Variants in EYA1 observed in about 807,000 individuals in gnomAD.
The protein encoded by EYA1 is EYA transcriptional coactivator and phosphatase 1, also known as protein phosphatase EYA1.
EYA1 carries 16 observed loss-of-function variants against 82.0 expected under a neutral mutation model. The ratio of observed to expected loss-of-function variants is 0.20; its 90% CI spans 0.13 to 0.30. The LOEUF is 0.30. EYA1 is among the 10% of genes least tolerant of loss of function. The pLI, the probability that EYA1 is intolerant of heterozygous loss-of-function variation, is 1.00. For missense variants in EYA1, 633 were observed against 730.7 expected (o/e 0.87, Z 1.54); for synonymous variants, 261 against 264.4 (o/e 0.99, Z 0.12).
chr8:71,442,876 CT>C (rs1250176541), intron 2 of EYA1, among the ~76,000 whole-genome samples: 2 of 152,168 alleles, frequency 1.3e-5, no homozygotes. Context: ...CTCTGATATA[CT>C]TTTCTTTATG....
intron 2 of EYA1, among the ~76,000 whole-genome samples, chr8:71,520,998 A>T (rs1484118588): frequency 6.6e-6 from 1 of 152,134 alleles, no homozygotes; most frequent in African/African-American, 2.4e-5. Flanking sequence ...TAAAACAAAA[A>T]TGTTTATCAC....
At chr8:71,479,474 C>A (rs1375182359) in intron 2 of EYA1, among the ~76,000 whole-genome samples, 1 of 151,958 alleles carries the variant, frequency 6.6e-6, no homozygotes, top group African/African-American at 2.4e-5. Context: ...TTATTGCCCA[C>A]CCCCCAGGCT....
At chr8:71,512,537 A>G (rs1486552700) in intron 2 of EYA1, among the ~76,000 whole-genome samples, 1 of 152,052 alleles carries the variant, frequency 6.6e-6, no homozygotes, top group African/African-American at 2.4e-5. Context: ...CAATAAATAG[A>G]ATAAATATGA....
chr8:71,336,583 C>G (rs779043560), intron 3 of EYA1, among the ~76,000 whole-genome samples: 2 of 152,130 alleles, frequency 1.3e-5, no homozygotes, highest in African/African-American at 4.8e-5. Context: ...TTAGCTTAAT[C>G]GAATGTAGCC....
At chr8:71,286,572 T>C (rs982697936) in intron 9 of EYA1, among the ~76,000 whole-genome samples, 1 of 152,106 alleles carries the variant, frequency 6.6e-6, no homozygotes, top group African/African-American at 2.4e-5. Flanking sequence ...GGGAAACTCA[T>C]AGGCTTTACT....
At chr8:71,215,568 A>T in intron 15 of EYA1, 46 bp downstream of exon 15, 1 of 1,609,048 alleles carries the variant, frequency 6.2e-7, no homozygotes, top group Non-Finnish European at 8.5e-7. Flanking sequence ...ATGAACAAGC[A>T]CGAGCATTGC....
At chr8:71,388,942 A>G (rs911349014) in intron 2 of EYA1, among the ~76,000 whole-genome samples, 1 of 152,150 alleles carries the variant, frequency 6.6e-6, no homozygotes, top group South Asian at 2.1e-4. Context: ...GTTCCTACAC[A>G]CAAGTCCCTT....
chr8:71,247,089 C>T (rs991831983), intron 11 of EYA1, among the ~76,000 whole-genome samples: 1 of 151,824 alleles, frequency 6.6e-6, no homozygotes, highest in East Asian at 1.9e-4. Flanking sequence ...CCTCCCACAT[C>T]CCTCCAGCAC....
chr8:71,210,380 G>A (rs1327943717), intron 17 of EYA1, among the ~76,000 whole-genome samples: 1 of 152,220 alleles, frequency 6.6e-6, no homozygotes, highest in African/African-American at 2.4e-5. Flanking sequence ...GCATGGTCAA[G>A]GAAAGCTGAG....
At chr8:71,200,289 T>C (rs976649030) in intron 17 of EYA1, 1 of 152,244 alleles carries the variant, frequency 6.6e-6, no homozygotes, top group South Asian at 2.1e-4. Context: ...GCAATTATAG[T>C]TCTGAGAAAT....
At chr8:71,241,686 A>G (rs1812493912) in intron 12 of EYA1, among the ~76,000 whole-genome samples, 1 of 152,206 alleles carries the variant, frequency 6.6e-6, no homozygotes, top group Non-Finnish European at 1.5e-5. Context: ...TGTAACTTAA[A>G]TATATTAAAA....
intron 2 of EYA1, among the ~76,000 whole-genome samples, chr8:71,488,362 A>G (rs1003201054): frequency 2.0e-5 from 3 of 152,176 alleles, no homozygotes; most frequent in Non-Finnish European, 4.4e-5. Context: ...ATAAAGGATA[A>G]ATAAATTAGG....
At chr8:71,366,388 T>C (rs1306654723), upstream of EYA1, among the ~76,000 whole-genome samples, 2 of 152,232 alleles carry the variant, frequency 1.3e-5, no homozygotes, top group African/African-American at 4.8e-5. Flanking sequence ...AGCATATGTT[T>C]AATCTCAGCG....
chr8:71,247,160 C>T (rs933979893), intron 11 of EYA1, among the ~76,000 whole-genome samples: 5 of 151,984 alleles, frequency 3.3e-5, no homozygotes, highest in Admixed American at 6.5e-5. Flanking sequence ...TAGCACTACC[C>T]ACACCCTTCC....
At chr8:71,455,297 A>G (rs1377768877) in intron 2 of EYA1, among the ~76,000 whole-genome samples, 1 of 152,232 alleles carries the variant, frequency 6.6e-6, no homozygotes, top group Admixed American at 6.5e-5. Flanking sequence ...GTCCAGGACC[A>G]GACAGATTCA....
chr8:71,245,244 T>A (rs79777509), intron 11 of EYA1, among the ~76,000 whole-genome samples: 2 of 152,260 alleles, frequency 1.3e-5, no homozygotes, highest in South Asian at 2.1e-4. Context: ...TTTTTTTTTT[T>A]GAGACAGAGT....
At chr8:71,271,977 G>A (rs1816599128) in intron 9 of EYA1, 80 bp from the exon 10 acceptor site, 1 of 1,495,524 alleles carries the variant, frequency 6.7e-7, no homozygotes, top group Non-Finnish European at 9.3e-7. Context: ...AATTCACAAG[G>A]GGAGTTTCAA....
At position 71,456,407 on chromosome 8, in the gene EYA1, C is replaced by T. The variant is rs565757614; in HGVS notation, c.33+79337G>A. Among the ~76,000 whole-genome samples, 337 of 152,098 alleles carry T rather than the reference C, an allele frequency of 2.2e-3. 2 individuals carry two copies. Among genetic ancestry groups the T allele is most frequent in the African/African-American group, 7.6e-3 (314 of 41,524 alleles). On this transcript the variant is annotated intron_variant, in intron 2 of 18. Transcript: ENST00000643681. ...TCTTCACAGAATTGGAAAAAACTAC[C>T]TTAAAGTTCATATGGAACCAAAAAA...
chr8:71,391,413 A>C (rs886626840), intron 2 of EYA1, among the ~76,000 whole-genome samples: 5 of 152,100 alleles, frequency 3.3e-5, no homozygotes, highest in African/African-American at 1.2e-4. Context: ...TCTTTGTCTG[A>C]TTGTTCCAAG....
Sources: allele counts gnomAD v4.1 joint callset (sites outside exome capture counted in the v4.1 genomes callset), GRCh38; gene constraint gnomAD v4.1.1; transcripts MANE v1.5; gene names NCBI Gene and HGNC (gene_info 2026-07-23, HGNC 2026-07-21).